PLIN4: variants seen among roughly 807,000 people sequenced by gnomAD.
PLIN4 encodes perilipin-4.
PLIN4 carries 57 observed loss-of-function variants against 52.4 expected under a neutral mutation model. That is an observed-to-expected ratio of 1.09 (90% CI 0.88 to 1.36). The LOEUF is 1.36. Among genes scored for constraint, PLIN4 ranks in the 40% most tolerant of loss-of-function variants. PLIN4 has a pLI of 0.00. For synonymous variants in PLIN4, 826 were observed against 785.4 expected, an observed-to-expected ratio of 1.05 and a Z score of -0.86; for missense variants, 1,757 against 1,770.3, an observed-to-expected ratio of 0.99 and a Z score of 0.13.
intron 6 of PLIN4, among the ~76,000 whole-genome samples, chr19:4,505,435 G>A (rs187896406): frequency 3.7e-4 from 57 of 152,318 alleles, no homozygotes; most frequent in Non-Finnish European, 3.4e-4. Context: ...CAAGGTCCGC[G>A]TTCGGCCTCA....
intron 6 of PLIN4, among the ~76,000 whole-genome samples, chr19:4,506,963 C>T (rs1179437122): frequency 2.6e-5 from 4 of 152,268 alleles, no homozygotes; most frequent in East Asian, 1.9e-4. Flanking sequence ...ACTGTGGACA[C>T]GGGGGCTAGA....
rs1252454971 is a variant in PLIN4 at position 4,503,366 on chromosome 19, C to T, written c.*1093G>A. On this transcript the variant is annotated 3_prime_UTR_variant, in exon 8 of 8. Transcript: ENST00000301286. ...TCACACCCGACCTGAGCCTGCCAGC[C>T]TCCACGACCTGGGCTAGCCTGAGAG... is the stretch of plus-strand genomic sequence containing the variant. The T allele has an allele frequency of 6.6e-6, 1 of 152,630 alleles. No homozygotes were observed. Among genetic ancestry groups the T allele is most frequent in the Non-Finnish European group, 1.5e-5 (1 of 68,382 alleles). 9.5% of individuals were successfully genotyped at this position (152,630 alleles called of 1,614,324 possible). A position where few individuals can be genotyped will look rare whatever the true frequency, so the allele number is the denominator to read the frequency against.
In PLIN4 at chr19:4,502,410, C is replaced by G. The variant is rs1158415781; in HGVS notation, c.*2049G>C. On this transcript the variant is annotated 3_prime_UTR_variant, in exon 8 of 8. Coordinates refer to ENST00000301286, the MANE Select transcript of PLIN4 (RefSeq NM_001367868.2). ...AGAGCTGGGCGGGAGCAAGCTCTTC[C>G]CAGGAGACAAGAGGGACAAACCAGG... The G allele has an allele frequency of 2.3e-5, 8 of 343,766 alleles. No homozygotes were observed. The highest frequency in any genetic ancestry group is 1.6e-5 in the Non-Finnish European group (3 of 182,384). 21.3% of individuals were successfully genotyped at this position (343,766 alleles called of 1,614,324 possible).
rs766267069 is a variant in PLIN4 at position 4,510,607 on chromosome 19, G to T, written c.3353C>A (p.Thr1118Asn). 1 of 1,504,572 alleles carries T rather than the reference G, an allele frequency of 6.6e-7. No individual in the cohort carries two copies. The highest frequency in any genetic ancestry group is 8.9e-7 in the Non-Finnish European group (1 of 1,127,014). The allele number at this position is 1,504,572 out of a possible 1,614,324, so 93.2% of individuals were successfully genotyped here. ...EAAATTKGLA[T>N]DVATFTQGAA... is the part of the protein sequence containing the mutation. ...CCCTTGGGTGAACGTCGCCACGTCAGTCGCAAGGCCCTTGGTAGTGGCTGC... is the reference window on the plus strand; with the variant it reads ...CCCTTGGGTGAACGTCGCCACGTCATTCGCAAGGCCCTTGGTAGTGGCTGC... The change falls in exon 5 of 8, where the codon ACT (threonine) becomes AAT (asparagine). Residue 1118 changes from threonine (T) to asparagine (N), a missense_variant. Around this residue, in one of 7 missense-constraint regions of PLIN4, gnomAD observed 712 missense variants for 637.1 expected, o/e 1.12. Coordinates refer to ENST00000301286, the MANE Select transcript of PLIN4 (RefSeq NM_001367868.2).
rs1975970951 is a variant in PLIN4, at chr19:4,503,017, T to C, written c.*1442A>G. The C allele has an allele frequency of 6.6e-6, 1 of 152,170 alleles. No individual in the cohort carries two copies. The highest frequency in any genetic ancestry group is 1.5e-5 in the Non-Finnish European group (1 of 68,074). 9.4% of individuals were successfully genotyped at this position (152,170 alleles called of 1,614,324 possible). On this transcript the variant is annotated 3_prime_UTR_variant, in exon 8 of 8. Coordinates refer to ENST00000301286, the MANE Select transcript of PLIN4 (RefSeq NM_001367868.2). ...TCCTAGCCTCCGATGGCCATGGGTG[T>C]CGGGCTGAGGAGAAGGCTTGGGAAG...
intron 5 of PLIN4, 69 bp downstream of exon 5, chr19:4,510,376 AC>A (rs56906779): frequency 0.1 from 102,433 of 1,028,980 alleles, 854 homozygotes; most frequent in Non-Finnish European, 0.11. Context: ...AAAAAAAAAA[AC>A]AAAACAGTCA....
At chr19:4,517,313 G>A (rs1038395152) in intron 3 of PLIN4, among the ~76,000 whole-genome samples, 2 of 16,382 alleles carry the variant, frequency 1.2e-4, no homozygotes, top group African/African-American at 6.0e-4. Flanking sequence ...GAACGGCCGA[G>A]GGACTGAGTG....
chr19:4,517,232 T>G (rs988532037), intron 3 of PLIN4, among the ~76,000 whole-genome samples: 3 of 152,018 alleles, frequency 2.0e-5, no homozygotes, highest in African/African-American at 7.2e-5. Flanking sequence ...TGGATCTCAC[T>G]CTGATGAGCT....
chr19:4,509,325 A>AAAAAAAAAAAAAAAAAAAAAAAAAAAG (rs1976211715), intron 5 of PLIN4, among the ~76,000 whole-genome samples: 1 of 143,858 alleles, frequency 7.0e-6, no homozygotes, highest in African/African-American at 2.5e-5. Context: ...AAAAAAAAAA[A>AAAAAAAAAAAAAAAAAAAAAAAAAAAG]GTTAAGTGAG....
Position 4,508,766 on chromosome 19 carries a change from A to T in PLIN4, c.3702+2T>A. 1 of 1,575,538 alleles carries T rather than the reference A, an allele frequency of 6.3e-7. No homozygotes were observed. Among genetic ancestry groups the T allele is most frequent in the Non-Finnish European group, 8.6e-7 (1 of 1,161,342 alleles). ...GGGGCAGCAGCAGGGGGAAGCTCTT[A>T]CCAGCCTGAAGCAGTCCTGGAGCTG... is the stretch of plus-strand genomic sequence containing the variant. On this transcript the variant is annotated splice_donor_variant, in intron 6 of 7. Transcript: ENST00000301286. LOFTEE classifies it high-confidence loss of function.
In PLIN4 at chr19:4,503,514, G is replaced by A. The variant is rs112306872; in HGVS notation, c.*945C>T. 3,431 of 152,634 alleles carry A rather than the reference G, an allele frequency of 0.022. 116 individuals are homozygous for A. Among genetic ancestry groups the A allele is most frequent in the African/African-American group, 0.078 (3,238 of 41,564 alleles). 9.5% of individuals were successfully genotyped at this position (152,634 alleles called of 1,614,324 possible). A position where few individuals can be genotyped will look rare whatever the true frequency, so the allele number is the denominator to read the frequency against. ...TGAGGACCCAGGGGGAGTGTGCGGC[G>A]GAGGAAGGGCTGTGCCATAGGCACG... On this transcript the variant is annotated 3_prime_UTR_variant, in exon 8 of 8. Transcript: ENST00000301286.
At position 4,508,030 on chromosome 19, in the gene PLIN4, G is replaced by A. The variant is rs145285925; in HGVS notation, c.3702+738C>T. ...CGTGCGTTGCAGCCCCAGGCCCTGCGGGCTCCCTGGATCCCATCCTGGCTT... is the reference window on the plus strand; with the variant it reads ...CGTGCGTTGCAGCCCCAGGCCCTGCAGGCTCCCTGGATCCCATCCTGGCTT... On this transcript the variant is annotated intron_variant, in intron 6 of 7. Transcript: ENST00000301286. 1.2e-3 allele frequency among the ~76,000 whole-genome samples: 178 copies of A among 152,208 alleles called. 1 individual carries two copies. The East Asian group carries it at 0.027, about 23-fold the overall frequency.
At chr19:4,517,905 G>A (rs779741789) in intron 2 of PLIN4, among the ~76,000 whole-genome samples, 4 of 152,240 alleles carry the variant, frequency 2.6e-5, no homozygotes, top group Admixed American at 2.0e-4. Flanking sequence ...GGAAAAGATC[G>A]TCTACCCGAT....
intron 6 of PLIN4, among the ~76,000 whole-genome samples, chr19:4,508,006 G>A (rs1307599977): frequency 2.0e-5 from 3 of 152,268 alleles, no homozygotes; most frequent in South Asian, 4.1e-4. Flanking sequence ...CCTTTCCTGC[G>A]TGCGTTGCAG....
rs1294612289 is a variant in PLIN4 at position 4,517,678 on chromosome 19, C to T, written c.72G>A (p.Gly24=). 1 of 1,597,602 alleles carries T rather than the reference C, an allele frequency of 6.3e-7. No homozygotes were observed. Among genetic ancestry groups the T allele is most frequent in the Non-Finnish European group, 8.5e-7 (1 of 1,172,746 alleles). The change falls in exon 3 of 8, where the codon GGG becomes GGA. Residue 24 remains glycine (G), a synonymous_variant. Coordinates refer to ENST00000301286, the MANE Select transcript of PLIN4 (RefSeq NM_001367868.2). ...GGGCAGAGCTGAAGCCAGGCAGGGA[C>T]CCAAAGAAGCTGCCCAGGGTCTGCA... ...PKGKTLGSFF[G]SLPGFSSARN...
chr19:4,516,674 A>G lies in PLIN4; in HGVS notation c.201T>C (p.Ala67=). 1 of 1,596,198 alleles carries G rather than the reference A, an allele frequency of 6.3e-7. No homozygotes were observed. ...ATGGGGCCGTCTGCTCTGGGTGGGC[A>G]GCCACTGTGGGGACAGGGGCCGGTC... ...AEAAQPQAQV[A]AHPEQTAPWT... Residue 67 remains alanine (A), a synonymous_variant, in exon 4 of 8, where the codon GCT becomes GCC. Transcript: ENST00000301286.
chr19:4,507,302 T>G (rs1311904567), intron 6 of PLIN4, among the ~76,000 whole-genome samples: 1 of 152,216 alleles, frequency 6.6e-6, no homozygotes, highest in Non-Finnish European at 1.5e-5. Flanking sequence ...CTGGGCACGG[T>G]GGCTCACGCC....
At chr19:4,517,054 G>T (rs908953256) in intron 3 of PLIN4, among the ~76,000 whole-genome samples, 1 of 152,188 alleles carries the variant, frequency 6.6e-6, no homozygotes, top group African/African-American at 2.4e-5. Flanking sequence ...ATGTGGAGCA[G>T]AAGTCAGCTG....
rs1475556235 is a variant in PLIN4 at position 4,510,910 on chromosome 19, T to G, written c.3050A>C (p.Asp1017Ala). The G allele has an allele frequency of 6.2e-7, 1 of 1,613,508 alleles. No homozygotes were observed. The highest frequency in any genetic ancestry group is 1.3e-5 in the African/African-American group (1 of 74,930). ...MAKGAVQGGLDTTKTVLTGTK... is the reference protein window; with the variant it reads ...MAKGAVQGGLATTKTVLTGTK... ...TCCGGTCAGCACTGTCTTGGTGGTGTCCAGGCCCCCCTGGACGGCCCCTTT... is the reference window on the plus strand; with the variant it reads ...TCCGGTCAGCACTGTCTTGGTGGTGGCCAGGCCCCCCTGGACGGCCCCTTT... Residue 1017 changes from aspartate (D) to alanine (A), a missense_variant, in exon 5 of 8, where the codon GAC (aspartate) becomes GCC (alanine). By Grantham distance (126) the Asp-to-Ala change is moderately radical. This residue lies in a region of PLIN4 where 712 missense variants were observed against 637.1 expected (regional missense o/e 1.12). Transcript: ENST00000301286.
Sources: allele counts gnomAD v4.1 joint callset (sites outside exome capture counted in the v4.1 genomes callset), GRCh38; gene constraint gnomAD v4.1.1; regional missense constraint gnomAD v4.1.1; transcripts MANE v1.5; gene names NCBI Gene and HGNC (gene_info 2026-07-23, HGNC 2026-07-21).